The following PDE10A variants were observed in gnomAD, a reference collection of about 807,000 sequenced individuals.
PDE10A encodes phosphodiesterase 10A.
A neutral mutation model predicts 97.7 loss-of-function variants in PDE10A; 39 were observed. The ratio of observed to expected loss-of-function variants is 0.40; its 90% CI spans 0.31 to 0.52. The LOEUF is 0.52. Among genes scored for constraint, PDE10A ranks in the 20% least tolerant of loss-of-function variants. The pLI is 0.56. For synonymous variants in PDE10A, 371 were observed against 376.8 expected (o/e 0.98, Z 0.18); for missense variants, 731 against 1,047.8 (o/e 0.70, Z 4.17).
At chr6:165,620,402 G>T (rs1788071274) in intron 1 of PDE10A, among the ~76,000 whole-genome samples, 3 of 152,154 alleles carry the variant, frequency 2.0e-5, no homozygotes, top group Non-Finnish European at 4.4e-5. Flanking sequence ...TGTCGAACCT[G>T]AGCAATTTCC....
intron 1 of PDE10A, among the ~76,000 whole-genome samples, chr6:165,747,408 C>G (rs985692082): frequency 1.3e-5 from 2 of 152,124 alleles, no homozygotes; most frequent in Non-Finnish European, 2.9e-5. Flanking sequence ...TTCAAAATGC[C>G]TTGCTCACAT....
intron 1 of PDE10A, among the ~76,000 whole-genome samples, chr6:165,896,783 C>T (rs1208456885): frequency 6.6e-6 from 1 of 152,262 alleles, no homozygotes; most frequent in Non-Finnish European, 1.5e-5. Flanking sequence ...CTCGGCCTCC[C>T]AAAGTGCTGG....
chr6:165,552,296 A>T (rs1784056802), intron 1 of PDE10A, among the ~76,000 whole-genome samples: 1 of 152,214 alleles, frequency 6.6e-6, no homozygotes, highest in East Asian at 1.9e-4. Context: ...GGGTTAACAC[A>T]GCAGACCTGA....
intron 1 of PDE10A, among the ~76,000 whole-genome samples, chr6:165,643,230 AGTGG>A (rs1184826150): frequency 3.4e-5 from 5 of 146,702 alleles, no homozygotes; most frequent in Non-Finnish European, 7.5e-5. Context: ...TAGGTGAGTG[AGTGG>A]GTGGGTGGGT....
intron 1 of PDE10A, among the ~76,000 whole-genome samples, chr6:165,645,127 C>A (rs1346848497): frequency 1.3e-5 from 2 of 152,174 alleles, no homozygotes; most frequent in African/African-American, 4.8e-5. Context: ...CTACTTCAGG[C>A]GCACATCTGA....
intron 1 of PDE10A, among the ~76,000 whole-genome samples, chr6:165,860,980 T>C (rs761544735): frequency 1.3e-5 from 2 of 152,202 alleles, no homozygotes; most frequent in East Asian, 1.9e-4. Flanking sequence ...GATTCACCCA[T>C]TTGTCTGCCC....
chr6:165,488,547 G>C (rs532573419), intron 2 of PDE10A, among the ~76,000 whole-genome samples: 1 of 152,296 alleles, frequency 6.6e-6, no homozygotes, highest in South Asian at 2.1e-4. Flanking sequence ...GTGAACTTTT[G>C]CTCCAAGAAC....
At position 165,413,447 on chromosome 6, in the gene PDE10A, G is replaced by T. The variant is rs1042125891; in HGVS notation, c.2076+54C>A. The T allele has an allele frequency of 4.7e-5, 58 of 1,230,546 alleles. 1 individual carries two copies. The South Asian group carries it at 7.0e-4, about 15-fold the overall frequency. The allele number at this position is 1,230,546 out of a possible 1,614,324, so 76.2% of individuals were successfully genotyped here. ...AGCCCTTAAGCTGCTTTATGAAAAA[G>T]ATTCCAAATTAATATTGAGTAGTAA... On this transcript the variant is annotated intron_variant, in intron 13 of 21. Coordinates refer to ENST00000539869, the MANE Select transcript of PDE10A (RefSeq NM_001385079.1).
At chr6:165,459,500 G>A (rs1040396214) in intron 3 of PDE10A, among the ~76,000 whole-genome samples, 1 of 47,312 alleles carries the variant, frequency 2.1e-5, no homozygotes, top group Non-Finnish European at 4.3e-5. Context: ...TAGATAGATA[G>A]ATAGATAGAT....
chr6:165,525,470 G>A (rs1782384073), intron 2 of PDE10A, among the ~76,000 whole-genome samples: 1 of 152,116 alleles, frequency 6.6e-6, no homozygotes, highest in Non-Finnish European at 1.5e-5. Flanking sequence ...GTAGAGGAAG[G>A]GATCCAAAGG....
intron 1 of PDE10A, among the ~76,000 whole-genome samples, chr6:165,961,982 G>A (rs62425372): frequency 0.045 from 6,884 of 152,272 alleles, 214 homozygotes; most frequent in Middle Eastern, 0.12. Flanking sequence ...GGCACTTTGC[G>A]TGTGTAATTT....
chr6:165,948,408 G>A (rs1783848253), intron 1 of PDE10A: 1 of 152,216 alleles, frequency 6.6e-6, no homozygotes, highest in South Asian at 2.1e-4. Context: ...CTCAGTAGTG[G>A]GTGTGGTGGG....
At chr6:165,581,629 A>G (rs535407820) in intron 1 of PDE10A, among the ~76,000 whole-genome samples, 36 of 152,354 alleles carry the variant, frequency 2.4e-4, no homozygotes, top group African/African-American at 8.7e-4. Context: ...ACTAAGGCAG[A>G]TGCATAAGCA....
At chr6:165,608,178 T>C (rs1285606766) in intron 1 of PDE10A, among the ~76,000 whole-genome samples, 1 of 151,288 alleles carries the variant, frequency 6.6e-6, no homozygotes, top group Non-Finnish European at 1.5e-5. Context: ...TTGTTACGTA[T>C]GTATACATGT....
At position 165,660,821 on chromosome 6, in the gene PDE10A, C is replaced by CGGAGCCGCGCTCTGGGCCGCGG. The variant is rs1471967720; in HGVS notation, c.865+1104_865+1125dup. ...GTGCACACGCGGTGGACGGTGGCTC[C>CGGAGCCGCGCTCTGGGCCGCGG]GGAGCCGCGCTCTGGGCCGCGGGAA... On this transcript the variant is annotated intron_variant, in intron 1 of 21. Transcript: ENST00000539869. 3 of 152,290 alleles carry CGGAGCCGCGCTCTGGGCCGCGG rather than the reference C, an allele frequency of 2.0e-5. No homozygotes were observed. The East Asian group carries it at 5.8e-4, about 30-fold the overall frequency. The allele number at this position is 152,290 out of a possible 1,614,324, so 9.4% of individuals were successfully genotyped here.
chr6:165,763,076 A>G (rs1276419655), intron 1 of PDE10A, among the ~76,000 whole-genome samples: 1 of 152,230 alleles, frequency 6.6e-6, no homozygotes, highest in South Asian at 2.1e-4. Context: ...GACCCATGTG[A>G]GTAGGACTTA....
At chr6:165,345,066 G>A (rs375785651) in intron 18 of PDE10A, among the ~76,000 whole-genome samples, 4 of 151,650 alleles carry the variant, frequency 2.6e-5, no homozygotes, top group Non-Finnish European at 5.9e-5. Context: ...AACACAAATC[G>A]AATGTGAAAA....
intron 17 of PDE10A, among the ~76,000 whole-genome samples, chr6:165,384,627 AGTGAGTGTGTGTGT>A (rs1239991137): frequency 3.3e-5 from 2 of 60,654 alleles, no homozygotes; most frequent in African/African-American, 1.2e-4. Context: ...TGTATGTGTG[AGTGAGTGTGTGTGT>A]GTGTGTGTGT....
At chr6:165,815,213 C>T (rs1285022317) in intron 1 of PDE10A, among the ~76,000 whole-genome samples, 1 of 152,108 alleles carries the variant, frequency 6.6e-6, no homozygotes, top group African/African-American at 2.4e-5. Context: ...CCAAATGAAT[C>T]GATCAGTTGA....
Sources: allele counts gnomAD v4.1 joint callset (sites outside exome capture counted in the v4.1 genomes callset), GRCh38; gene constraint gnomAD v4.1.1; transcripts MANE v1.5; gene names NCBI Gene and HGNC (gene_info 2026-07-23, HGNC 2026-07-21).